The following DNA2 variants were observed in gnomAD, a reference collection of about 807,000 sequenced individuals.
DNA2 encodes the protein DNA replication ATP-dependent helicase/nuclease DNA2.
Under a neutral mutation model 119.1 loss-of-function variants are expected in DNA2, and 101 were observed. The observed-to-expected ratio is 0.85, with a 90% confidence interval of 0.72 to 1.00. The LOEUF (loss-of-function observed/expected upper bound fraction) is 1.00. Ranked by LOEUF, DNA2 falls within the 50% of genes least tolerant of loss-of-function variation. The pLI is 0.00. For synonymous variants in DNA2, 366 were observed against 424.4 expected, an observed-to-expected ratio of 0.86 and a Z score of 1.69; for missense variants, 1,121 against 1,255.5, an observed-to-expected ratio of 0.89 and a Z score of 1.62.
chr10:68,416,611 C>G (rs980582331), intron 20 of DNA2, 98 bp downstream of exon 20: 1 of 1,265,954 alleles, frequency 7.9e-7, no homozygotes, highest in African/African-American at 1.5e-5. Flanking sequence ...AGTTCAAGAC[C>G]AGCTTAAGCA....
chr10:68,431,113 T>C (rs1446554030), intron 13 of DNA2, among the ~76,000 whole-genome samples: 1 of 151,380 alleles, frequency 6.6e-6, no homozygotes, highest in Admixed American at 6.6e-5. Context: ...CATTCCAACC[T>C]GGTCTCAAAT....
At chr10:68,447,722 G>A (rs1308781424) in intron 6 of DNA2, among the ~76,000 whole-genome samples, 2 of 151,514 alleles carry the variant, frequency 1.3e-5, no homozygotes, top group African/African-American at 2.4e-5. Context: ...AGTGGTTCAC[G>A]CCTGTAATCC....
At chr10:68,441,321 G>A (rs1402956056) in intron 9 of DNA2, among the ~76,000 whole-genome samples, 3 of 139,682 alleles carry the variant, frequency 2.1e-5, no homozygotes, top group Non-Finnish European at 3.0e-5. Flanking sequence ...GCAGCAGAGT[G>A]TGACCCTGTC....
At position 68,416,765 on chromosome 10, in the gene DNA2, G is replaced by A. The variant is rs1407646391; in HGVS notation, c.3058C>T (p.Leu1020=). 1.2e-6 allele frequency: 2 copies of A among 1,613,740 alleles called. No homozygotes were observed. Among genetic ancestry groups the A allele is most frequent in the Non-Finnish European group, 1.7e-6 (2 of 1,179,754 alleles). The change falls in exon 20 of 21, where the codon CTA becomes TTA. Residue 1020 remains leucine, a synonymous_variant. Coordinates refer to ENST00000358410, the MANE Select transcript of DNA2 (RefSeq NM_001080449.3). ...TTCTCCAAAGGAGGATAGCAATTTA[G>A]TGAGGGCACACACCCCAGAAGAATC... ...KLILLGCVPS[L]NCYPPLEKLL... is the part of the protein sequence containing the mutation.
intron 13 of DNA2, 84 bp from the exon 14 acceptor site, chr10:68,430,744 A>T (rs2051809881): frequency 9.4e-7 from 1 of 1,068,486 alleles, no homozygotes. Flanking sequence ...ACTTAACAAG[A>T]ACCATATCTA....
chr10:68,420,546 C>G (rs1210184708), intron 17 of DNA2, among the ~76,000 whole-genome samples: 1 of 150,352 alleles, frequency 6.7e-6, no homozygotes, highest in African/African-American at 2.4e-5. Context: ...CAGAATCAAA[C>G]AAACAAACTT....
Position 68,419,788 on chromosome 10 carries a change from A to G in DNA2, c.2787+15T>C. ...TGCACTTTAATATTTGCTAGCCTTG[A>G]AAATTCTAAATTACCTTAACAAAAA... On this transcript the variant is annotated intron_variant, in intron 18 of 20. Transcript: ENST00000358410. The G allele has an allele frequency of 1.3e-6, 2 of 1,593,696 alleles. No homozygotes were observed. Among genetic ancestry groups the G allele is most frequent in the Non-Finnish European group, 1.7e-6 (2 of 1,161,760 alleles).
At position 68,422,224 on chromosome 10, in the gene DNA2, C is replaced by A; in HGVS notation, c.2697+1G>T. ...AACTAAACAGAAATTTTTTTTTTTA[C>A]CTTGTCTGTATTAAGGAAACAAACA... On this transcript the variant is annotated splice_donor_variant, in intron 17 of 20. Transcript: ENST00000358410. LOFTEE classifies it high-confidence loss of function. 2 of 1,543,476 alleles carry A rather than the reference C, an allele frequency of 1.3e-6. No individual in the cohort carries two copies. Among genetic ancestry groups the A allele is most frequent in the African/African-American group, 1.4e-5 (1 of 71,554 alleles).
At chr10:68,460,908 T>TAA (rs34510623) in intron 4 of DNA2, among the ~76,000 whole-genome samples, 12,870 of 143,426 alleles carry the variant, frequency 0.09, 834 homozygotes, top group South Asian at 0.25. Flanking sequence ...AGACCCTGTT[T>TAA]AAAAAAAAAA....
rs769027938 is a variant in DNA2, at chr10:68,432,480, C to T, written c.1677G>A (p.Leu559=). 3.1e-5 allele frequency: 48 copies of T among 1,571,982 alleles called. No individual in the cohort carries two copies. Among genetic ancestry groups the T allele is most frequent in the Non-Finnish European group, 3.8e-5 (44 of 1,158,906 alleles). Reference sequence around the variant, plus strand: ...TTTTTTCTTCTTGGTCTAATCTGAACAAAGTTGATTCTGGAAGGACCGACA... The same window carrying T: ...TTTTTTCTTCTTGGTCTAATCTGAATAAAGTTGATTCTGGAAGGACCGACA... The part of the protein sequence containing the change: ...RNLSVLPEST[L]FRLDQEEKNC... The change falls in exon 11 of 21, where the codon TTG becomes TTA. Residue 559 remains leucine (L), a synonymous_variant. Coordinates refer to ENST00000358410, the MANE Select transcript of DNA2 (RefSeq NM_001080449.3).
chr10:68,433,739 C>G (rs2051851549), intron 10 of DNA2, among the ~76,000 whole-genome samples: 1 of 152,024 alleles, frequency 6.6e-6, no homozygotes, highest in Non-Finnish European at 1.5e-5. Context: ...CTATGTGGCC[C>G]AGGATGGAAA....
intron 14 of DNA2, chr10:68,425,088 C>CTTT (rs60065153): frequency 0.011 from 1,493 of 131,204 alleles, 91 homozygotes; most frequent in African/African-American, 0.07. Flanking sequence ...TGGAACATTT[C>CTTT]TTTTTTTTTT....
intron 6 of DNA2, among the ~76,000 whole-genome samples, chr10:68,448,331 GT>G: frequency 6.6e-6 from 1 of 152,040 alleles, no homozygotes; most frequent in East Asian, 1.9e-4. Context: ...TCTAAGACAA[GT>G]TAAAAATAGT....
chr10:68,459,344 A>G, intron 4 of DNA2, 109 bp from the exon 5 acceptor site: 3 of 1,202,354 alleles, frequency 2.5e-6, no homozygotes, highest in Non-Finnish European at 3.4e-6. Flanking sequence ...GGACAAAAAA[A>G]TACATATAAG....
chr10:68,444,962 AC>A lies in DNA2; in HGVS notation c.1178del (p.Cys393LeufsTer29). On this transcript the variant is annotated frameshift_variant, in exon 8 of 21. Coordinates refer to ENST00000358410, the MANE Select transcript of DNA2 (RefSeq NM_001080449.3). LOFTEE classifies it high-confidence loss of function. ...LPQIIEEEKT[C>X]KYCSQIGNCA... ...AATTGCCAATTTGTGAACAATATTT[AC>A]AAGTTTTCTCTTCCTCAATTATTTG... is the stretch of plus-strand genomic sequence containing the variant. 1 of 1,613,674 alleles carries A rather than the reference AC, an allele frequency of 6.2e-7. No homozygotes were observed. The highest frequency in any genetic ancestry group is 8.5e-7 in the Non-Finnish European group (1 of 1,179,710).
intron 17 of DNA2, 82 bp downstream of exon 17, chr10:68,422,143 T>G: frequency 8.7e-7 from 1 of 1,146,628 alleles, no homozygotes; most frequent in Non-Finnish European, 1.2e-6. Context: ...TAAGCTCTAA[T>G]TAGGGCATGT....
intron 14 of DNA2, among the ~76,000 whole-genome samples, chr10:68,428,307 C>A (rs2051770630): frequency 6.6e-6 from 1 of 151,952 alleles, no homozygotes; most frequent in East Asian, 1.9e-4. Context: ...GCCTGGGGGA[C>A]AAAGCGAGAC....
intron 10 of DNA2, among the ~76,000 whole-genome samples, chr10:68,433,686 C>T (rs1423607942): frequency 1.3e-5 from 2 of 152,140 alleles, no homozygotes; most frequent in East Asian, 1.9e-4. Flanking sequence ...TACACCACCA[C>T]ACCTGGCTAA....
intron 10 of DNA2, 105 bp downstream of exon 10, chr10:68,436,906 G>T: frequency 1.1e-6 from 1 of 879,622 alleles, no homozygotes; most frequent in Non-Finnish European, 1.8e-6. Flanking sequence ...ACAACGCTGT[G>T]AATATACTAA....
Sources: allele counts gnomAD v4.1 joint callset (sites outside exome capture counted in the v4.1 genomes callset), GRCh38; gene constraint gnomAD v4.1.1; transcripts MANE v1.5; gene names NCBI Gene and HGNC (gene_info 2026-07-23, HGNC 2026-07-21).